PTPRG: variants seen among roughly 807,000 people sequenced by gnomAD.
The protein encoded by PTPRG is receptor-type tyrosine-protein phosphatase gamma.
In PTPRG, 102 loss-of-function variants were observed where a neutral mutation model predicts 165.3. The ratio of observed to expected loss-of-function variants is 0.62; its 90% CI spans 0.53 to 0.73. The LOEUF (loss-of-function observed/expected upper bound fraction) is 0.73. Ranked by LOEUF, PTPRG falls within the 30% of genes least tolerant of loss-of-function variation. PTPRG has a pLI of 0.00. For synonymous variants in PTPRG, 675 were observed against 669.5 expected (o/e 1.01, Z -0.13); for missense variants, 1,866 against 1,861.4 (o/e 1.00, Z -0.05).
At chr3:61,670,250 C>T (rs1694282844) in intron 1 of PTPRG, among the ~76,000 whole-genome samples, 1 of 152,144 alleles carries the variant, frequency 6.6e-6, no homozygotes, top group South Asian at 2.1e-4. Flanking sequence ...TGGGAAGACC[C>T]AGGAGGGGGT....
intron 2 of PTPRG, among the ~76,000 whole-genome samples, chr3:61,950,357 G>T (rs891054604): frequency 9.9e-5 from 15 of 152,106 alleles, no homozygotes; most frequent in African/African-American, 2.9e-4. Flanking sequence ...ATGCTTGATT[G>T]TGAGAACTTC....
At chr3:61,963,834 C>T (rs952898394) in intron 2 of PTPRG, among the ~76,000 whole-genome samples, 1 of 151,204 alleles carries the variant, frequency 6.6e-6, no homozygotes, top group African/African-American at 2.4e-5. Context: ...AATGGAAATA[C>T]TAAAGGAATG....
intron 6 of PTPRG, among the ~76,000 whole-genome samples, chr3:62,150,832 C>A (rs1688250986): frequency 6.6e-6 from 1 of 152,196 alleles, no homozygotes; most frequent in Non-Finnish European, 1.5e-5. Flanking sequence ...GTCCAAATAA[C>A]CTTCCAATCT....
rs536585187 is a variant in PTPRG at position 61,741,263 on chromosome 3, G to A, written c.86-7615G>A. ...AAACAACCTACTTAACTGCTTGTCT[G>A]CCATTCTGGATATCTTCGTTCTAGA... On this transcript the variant is annotated intron_variant, in intron 1 of 29. Transcript: ENST00000474889. Among the ~76,000 whole-genome samples the A allele has an allele frequency of 9.2e-5, 14 of 152,290 alleles. No homozygotes were observed. In the South Asian group the frequency reaches 2.5e-3, roughly 27 times the overall value.
chr3:61,906,650 C>T (rs2038664523), intron 2 of PTPRG, among the ~76,000 whole-genome samples: 1 of 151,968 alleles, frequency 6.6e-6, no homozygotes, highest in African/African-American at 2.4e-5. Flanking sequence ...GGTGGTGGCA[C>T]AGGCCTGTAG....
chr3:61,887,603 T>C (rs2038087918), intron 2 of PTPRG, among the ~76,000 whole-genome samples: 1 of 152,162 alleles, frequency 6.6e-6, no homozygotes, highest in Non-Finnish European at 1.5e-5. Context: ...AACCTTTTGA[T>C]TGCTGTGTGG....
chr3:62,014,325 G>A (rs546267107), intron 4 of PTPRG, among the ~76,000 whole-genome samples: 4 of 152,176 alleles, frequency 2.6e-5, no homozygotes, highest in African/African-American at 7.2e-5. Flanking sequence ...CTCTGGATAC[G>A]TTTACTGTGA....
intron 2 of PTPRG, among the ~76,000 whole-genome samples, chr3:61,922,821 G>C (rs72884103): frequency 7.0e-4 from 106 of 152,160 alleles, no homozygotes; most frequent in African/African-American, 2.4e-3. Context: ...TTGTATTTTT[G>C]GTAAAGACAG....
At chr3:61,815,395 C>A (rs536847643) in intron 2 of PTPRG, among the ~76,000 whole-genome samples, 1 of 151,784 alleles carries the variant, frequency 6.6e-6, no homozygotes, top group South Asian at 2.1e-4. Context: ...AGAACGAGAC[C>A]GTCTCAAAAA....
intron 8 of PTPRG, among the ~76,000 whole-genome samples, chr3:62,184,019 G>A (rs1559616510): frequency 1.3e-5 from 2 of 152,194 alleles, no homozygotes; most frequent in Non-Finnish European, 2.9e-5. Context: ...TCAGACTCAG[G>A]CAGATTGGGA....
intron 8 of PTPRG, among the ~76,000 whole-genome samples, chr3:62,170,985 T>C (rs1431508955): frequency 6.6e-6 from 1 of 152,156 alleles, no homozygotes; most frequent in Non-Finnish European, 1.5e-5. Context: ...AGAAATTCAC[T>C]TAGCCTGTTT....
chr3:61,844,732 G>A (rs2036757562), intron 2 of PTPRG, among the ~76,000 whole-genome samples: 1 of 151,548 alleles, frequency 6.6e-6, no homozygotes, highest in African/African-American at 2.4e-5. Context: ...CGAACTCCTG[G>A]CCTCAAGCAG....
At chr3:62,112,196 C>G (rs1286496869) in intron 5 of PTPRG, among the ~76,000 whole-genome samples, 3 of 152,098 alleles carry the variant, frequency 2.0e-5, no homozygotes, top group Non-Finnish European at 4.4e-5. Context: ...CCTCTGCCTC[C>G]CAGATTCAAG....
At chr3:61,581,829 C>A (rs1158682007) in intron 1 of PTPRG, among the ~76,000 whole-genome samples, 1 of 151,950 alleles carries the variant, frequency 6.6e-6, no homozygotes, top group Admixed American at 6.5e-5. Flanking sequence ...AGGCTGGTCT[C>A]GAACTCCTGA....
At chr3:61,792,740 CTTTCTTTG>C (rs2034925026) in intron 2 of PTPRG, among the ~76,000 whole-genome samples, 1 of 100,732 alleles carries the variant, frequency 9.9e-6, no homozygotes, top group African/African-American at 4.0e-5. Flanking sequence ...TTCTTTCTTT[CTTTCTTTG>C]AGATGGAGTC....
intron 8 of PTPRG, among the ~76,000 whole-genome samples, chr3:62,181,615 AGTGCT>A (rs1335403891): frequency 6.6e-6 from 1 of 152,224 alleles, no homozygotes; most frequent in Non-Finnish European, 1.5e-5. Context: ...TATATGCCTT[AGTGCT>A]AGATGGGTTT....
chr3:62,134,948 G>C (rs71296756), intron 6 of PTPRG, among the ~76,000 whole-genome samples: 2,000 of 152,310 alleles, frequency 0.013, 23 homozygotes, highest in Non-Finnish European at 0.021. Flanking sequence ...AAAAGGGAAT[G>C]GAGGACATTA....
At chr3:61,590,536 T>G (rs564829722) in intron 1 of PTPRG, among the ~76,000 whole-genome samples, 12 of 151,642 alleles carry the variant, frequency 7.9e-5, no homozygotes, top group Admixed American at 3.3e-4. Context: ...AAAAAAAAAG[T>G]ATAATACATA....
intron 26 of PTPRG, among the ~76,000 whole-genome samples, chr3:62,280,797 G>A (rs764751505): frequency 4.6e-5 from 7 of 151,946 alleles, no homozygotes; most frequent in African/African-American, 4.8e-5. Context: ...GCCAAGATAC[G>A]GAAACAACCT....
Sources: allele counts gnomAD v4.1 joint callset (sites outside exome capture counted in the v4.1 genomes callset), GRCh38; gene constraint gnomAD v4.1.1; transcripts MANE v1.5; gene names NCBI Gene and HGNC (gene_info 2026-07-23, HGNC 2026-07-21).